The following PCDH15 variants were observed in gnomAD, a reference collection of about 807,000 sequenced individuals.
PCDH15 encodes protocadherin related 15.
A neutral mutation model predicts 178.5 loss-of-function variants in PCDH15; 129 were observed. The ratio of observed to expected loss-of-function variants is 0.72; its 90% CI spans 0.63 to 0.84. The LOEUF (loss-of-function observed/expected upper bound fraction) is 0.84. Among genes scored for constraint, PCDH15 ranks in the 40% least tolerant of loss-of-function variants. The pLI is 0.00. For synonymous variants in PCDH15, 800 were observed against 732.0 expected (o/e 1.09, Z -1.50); for missense variants, 2,230 against 2,099.9 (o/e 1.06, Z -1.21).
intron 3 of PCDH15, among the ~76,000 whole-genome samples, chr10:54,842,831 G>A (rs1339220801): frequency 2.6e-5 from 4 of 151,900 alleles, no homozygotes; most frequent in East Asian, 1.9e-4. Context: ...TCTAGTACAG[G>A]TGTTTAATAG....
chr10:54,358,672 A>C (rs1272114074), intron 5 of PCDH15, among the ~76,000 whole-genome samples: 1 of 152,078 alleles, frequency 6.6e-6, no homozygotes, highest in African/African-American at 2.4e-5. Context: ...TATATACCCA[A>C]AGGACTAGAA....
chr10:54,283,338 T>G (rs1354068379), intron 8 of PCDH15, among the ~76,000 whole-genome samples: 1 of 152,160 alleles, frequency 6.6e-6, no homozygotes, highest in Non-Finnish European at 1.5e-5. Flanking sequence ...AAAATAAACT[T>G]ACAGCCTTTT....
intron 2 of PCDH15, among the ~76,000 whole-genome samples, chr10:55,001,453 C>T (rs1839792716): frequency 6.6e-6 from 1 of 152,194 alleles, no homozygotes; most frequent in Admixed American, 6.5e-5. Flanking sequence ...GACCTAGGGG[C>T]TCCCCAAGGC....
At chr10:54,002,053 GTATATATATACATGTA>G (rs1286664795) in intron 20 of PCDH15, among the ~76,000 whole-genome samples, 1 of 69,940 alleles carries the variant, frequency 1.4e-5, no homozygotes, top group Non-Finnish European at 3.2e-5. Flanking sequence ...ATACATATAT[GTATATATATACATGTA>G]TATATATACA....
At chr10:54,957,257 C>CA (rs983838705) in intron 2 of PCDH15, among the ~76,000 whole-genome samples, 10 of 147,820 alleles carry the variant, frequency 6.8e-5, no homozygotes, top group South Asian at 2.1e-4. Context: ...ATAATTTGGG[C>CA]AAAAAAAAAT....
chr10:55,623,569 A>T (rs1837455380), intron 2 of PCDH15, among the ~76,000 whole-genome samples: 1 of 152,068 alleles, frequency 6.6e-6, no homozygotes, highest in Admixed American at 6.6e-5. Flanking sequence ...GGATGAGAAT[A>T]TATATAACAC....
chr10:55,395,111 T>C (rs1357872670), intron 2 of PCDH15, among the ~76,000 whole-genome samples: 2 of 151,884 alleles, frequency 1.3e-5, no homozygotes, highest in Non-Finnish European at 2.9e-5. Flanking sequence ...GTTTCCTTAT[T>C]TGGTCATGAC....
intron 2 of PCDH15, among the ~76,000 whole-genome samples, chr10:54,632,798 T>C (rs987135884): frequency 6.6e-6 from 1 of 151,978 alleles, no homozygotes; most frequent in African/African-American, 2.4e-5. Context: ...TCTCAAACGC[T>C]AAGATATTCC....
intron 35 of PCDH15, among the ~76,000 whole-genome samples, chr10:53,811,840 G>A (rs748453453): frequency 6.6e-6 from 1 of 152,050 alleles, no homozygotes; most frequent in Non-Finnish European, 1.5e-5. Flanking sequence ...ACAAAATAAG[G>A]TTATATAATT....
chr10:55,474,615 A>G (rs2132110854), intron 2 of PCDH15, among the ~76,000 whole-genome samples: 1 of 152,248 alleles, frequency 6.6e-6, no homozygotes, highest in South Asian at 2.1e-4. Context: ...TTTAAATAAT[A>G]TTTACTTATA....
chr10:54,509,152 G>A (rs2081421249), intron 3 of PCDH15, among the ~76,000 whole-genome samples: 1 of 152,022 alleles, frequency 6.6e-6, no homozygotes, highest in Admixed American at 6.6e-5. Context: ...GACACTTATT[G>A]ATGGTCTAGA....
chr10:55,194,636 G>C (rs921625533), intron 1 of PCDH15, among the ~76,000 whole-genome samples: 4 of 151,900 alleles, frequency 2.6e-5, no homozygotes, highest in African/African-American at 7.3e-5. Context: ...TATTGTAATG[G>C]AGGAATAAGA....
intron 3 of PCDH15, among the ~76,000 whole-genome samples, chr10:54,856,649 GTTAA>G (rs111242340): frequency 1.2e-4 from 18 of 152,202 alleles, no homozygotes; most frequent in African/African-American, 4.3e-4. Flanking sequence ...ACCCTGGCTT[GTTAA>G]TTAATTTTAT....
At chr10:54,650,084 A>G (rs1185556833) in intron 2 of PCDH15, among the ~76,000 whole-genome samples, 3 of 152,210 alleles carry the variant, frequency 2.0e-5, no homozygotes, top group African/African-American at 7.2e-5. Flanking sequence ...ATGACATATT[A>G]TAAAGGGAAA....
intron 3 of PCDH15, among the ~76,000 whole-genome samples, chr10:54,469,705 T>TTGGGTG (rs1429315530): frequency 1.3e-5 from 2 of 152,094 alleles, no homozygotes; most frequent in African/African-American, 4.8e-5. Context: ...TGTGGCTTGC[T>TTGGGTG]TGGGTGTTGG....
intron 3 of PCDH15, among the ~76,000 whole-genome samples, chr10:54,493,737 G>GGCTTC (rs1226070178): frequency 2.0e-5 from 3 of 152,118 alleles, no homozygotes; most frequent in African/African-American, 7.2e-5. Flanking sequence ...CCATTACTGG[G>GGCTTC]TATATAGCAA....
intron 2 of PCDH15, among the ~76,000 whole-genome samples, chr10:55,551,026 C>A (rs1039193905): frequency 1.3e-5 from 2 of 152,002 alleles, no homozygotes; most frequent in Non-Finnish European, 2.9e-5. Context: ...AAAATCCTGG[C>A]ACAAATCTTA....
intron 21 of PCDH15, among the ~76,000 whole-genome samples, chr10:53,985,408 A>G (rs901292832): frequency 6.6e-6 from 1 of 152,146 alleles, no homozygotes; most frequent in African/African-American, 2.4e-5. Flanking sequence ...ATGACATACA[A>G]TGTTCCTGAC....
chr10:55,300,985 T>C (rs1406901058), intron 1 of PCDH15, among the ~76,000 whole-genome samples: 1 of 152,178 alleles, frequency 6.6e-6, no homozygotes, highest in East Asian at 1.9e-4. Context: ...TATCATAAGT[T>C]CTTAAAACAT....
Sources: gnomAD v4.1 joint callset for allele counts (sites outside exome capture counted in the v4.1 genomes callset) on GRCh38, gnomAD v4.1.1 for gene constraint, MANE v1.5 for transcripts, NCBI Gene and HGNC (gene_info 2026-07-23, HGNC 2026-07-21) for gene names.